CAMSAP3: variants seen among roughly 807,000 people sequenced by gnomAD.
CAMSAP3 encodes calmodulin-regulated spectrin-associated protein 3.
Under a neutral mutation model 112.5 loss-of-function variants are expected in CAMSAP3, and 34 were observed. The ratio of observed to expected loss-of-function variants is 0.30; its 90% CI spans 0.23 to 0.40. The LOEUF (loss-of-function observed/expected upper bound fraction) is 0.40, where lower values mean the gene tolerates loss of function less well. Among genes scored for constraint, CAMSAP3 ranks in the 10% least tolerant of loss-of-function variants. CAMSAP3 has a pLI of 1.00. For missense variants in CAMSAP3, 1,602 were observed against 1,770.3 expected (o/e 0.90, Z 1.71); for synonymous variants, 868 against 799.8 (o/e 1.09, Z -1.44).
chr19:7,596,622 C>T (rs1318760102), intron 1 of CAMSAP3, among the ~76,000 whole-genome samples: 1 of 152,104 alleles, frequency 6.6e-6, no homozygotes. Flanking sequence ...TGGGGGGTCT[C>T]GAGCGCTCCG....
Position 7,611,827 on chromosome 19 carries a change from C to A in CAMSAP3, c.1334C>A (p.Thr445Asn), listed in dbSNP as rs1161080850. The A allele has an allele frequency of 1.3e-6, 2 of 1,585,666 alleles. No homozygotes were observed. Among genetic ancestry groups the A allele is most frequent in the South Asian group, 1.1e-5 (1 of 87,504 alleles). Residue 445 changes from threonine (T) to asparagine (N), a missense_variant, in exon 11 of 17, where the codon ACC becomes AAC. Thr to Asn is a moderately conservative substitution (Grantham distance 65, BLOSUM62 0). Coordinates refer to ENST00000160298, the MANE Select transcript of CAMSAP3 (RefSeq NM_020902.2). This position sits in a 1 kb window ranked among gnomAD's most constrained non-coding sequence, Gnocchi z 6.9. ...CCCCCGCGTCCCGCGCCGGCCAGGA[C>A]CCCCACCCAGCCACCCCCGGAGCCT... is the stretch of plus-strand genomic sequence containing the variant. ...LGPPRPAPAR[T>N]PTQPPPEPGD...
chr19:7,606,336 G>T lies in CAMSAP3; in HGVS notation c.468G>T (p.Leu156=). ...AAFAFEWTKT[L]PGPLALTSLE... Reference sequence around the variant, plus strand: ...TTGCCTTCGAGTGGACAAAGACCCTGCCAGGTCCCTTGGCCCTGACCAGCT... The same window carrying T: ...TTGCCTTCGAGTGGACAAAGACCCTTCCAGGTCCCTTGGCCCTGACCAGCT... The change falls in exon 3 of 17, where the codon CTG becomes CTT. Residue 156 remains leucine, a synonymous_variant. Transcript: ENST00000160298. 1 of 1,613,906 alleles carries T rather than the reference G, an allele frequency of 6.2e-7. No homozygotes were observed. The highest frequency in any genetic ancestry group is 1.7e-5 in the Admixed American group (1 of 60,020).
chr19:7,613,103 C>G lies in CAMSAP3; in HGVS notation c.2610C>G (p.Ser870=). 4 of 1,545,450 alleles carry G rather than the reference C, an allele frequency of 2.6e-6. No homozygotes were observed. Among genetic ancestry groups the G allele is most frequent in the Non-Finnish European group, 3.5e-6 (4 of 1,145,850 alleles). ...GGAGCCCCGCTGGTGCTGAGGATTCCTTGGAGGAGGAGGCGTCTTCGGAGG... is the reference window on the plus strand; with the variant it reads ...GGAGCCCCGCTGGTGCTGAGGATTCGTTGGAGGAGGAGGCGTCTTCGGAGG... The part of the protein sequence containing the change: ...GDGSPAGAED[S]LEEEASSEGE... Residue 870 remains serine, a synonymous_variant, in exon 11 of 17, where the codon TCC becomes TCG. Coordinates refer to ENST00000160298, the MANE Select transcript of CAMSAP3 (RefSeq NM_020902.2).
chr19:7,605,467 G>A lies in CAMSAP3; in HGVS notation c.390G>A (p.Gln130=). 1 of 1,455,622 alleles carries A rather than the reference G, an allele frequency of 6.9e-7. No individual in the cohort carries two copies. Among genetic ancestry groups the A allele is most frequent in the Non-Finnish European group, 9.1e-7 (1 of 1,102,408 alleles). 90.2% of individuals were successfully genotyped at this position (1,455,622 alleles called of 1,614,324 possible). A position where few individuals can be genotyped will look rare whatever the true frequency, so the allele number is the denominator to read the frequency against. The change falls in exon 2 of 17, where the codon CAG becomes CAA. Residue 130 remains glutamine (Q), a synonymous_variant. Coordinates refer to ENST00000160298, the MANE Select transcript of CAMSAP3 (RefSeq NM_020902.2). ...RPVREADLRH[Q]PILMGAHLAV... ...TGCGCGAGGCCGACCTGAGGCACCA[G>A]CCCATTCTCATGGTAGGCCCCGCCA...
Position 7,617,215 on chromosome 19 carries a change from C to A in CAMSAP3, c.3213-111C>A, listed in dbSNP as rs915032225. ...TACAGGCATGAGCCACGATGCCCAG[C>A]CGTGGCCCTTATTTTCCTTGGCCCC... On this transcript the variant is annotated intron_variant, in intron 14 of 16. Coordinates refer to ENST00000160298, the MANE Select transcript of CAMSAP3 (RefSeq NM_020902.2). This position sits in a 1 kb window ranked among gnomAD's most constrained non-coding sequence, Gnocchi z 7.5. 6.4e-6 allele frequency: 5 copies of A among 781,412 alleles called. No individual in the cohort carries two copies. Among genetic ancestry groups the A allele is most frequent in the Non-Finnish European group, 9.0e-6 (4 of 443,126 alleles). The allele number at this position is 781,412 out of a possible 1,614,324, so 48.4% of individuals were successfully genotyped here.
Position 7,616,515 on chromosome 19 carries a change from G to A in CAMSAP3, c.3113-8G>A, listed in dbSNP as rs753797600. 1.0e-5 allele frequency: 16 copies of A among 1,607,884 alleles called. No individual in the cohort carries two copies. The East Asian group carries it at 3.6e-4, about 36-fold the overall frequency. On this transcript the variant is annotated splice_polypyrimidine_tract_variant and splice_region_variant and intron_variant, in intron 13 of 16. Transcript: ENST00000160298. ...TGGTGGGCACTGACCTGCAATCTCTGTCCCCAGGCTCTCGGCTGAGCAAAA... is the reference window on the plus strand; with the variant it reads ...TGGTGGGCACTGACCTGCAATCTCTATCCCCAGGCTCTCGGCTGAGCAAAA...
chr19:7,607,833 T>A lies in CAMSAP3; in HGVS notation c.622-293T>A. ...CCTCTCCCCCCAGCACGCAATTGCC[T>A]TCTGTTTGAAGGAGTCGGGGAGCAA... On this transcript the variant is annotated intron_variant, in intron 4 of 16. Coordinates refer to ENST00000160298, the MANE Select transcript of CAMSAP3 (RefSeq NM_020902.2). The surrounding 1 kb of genome is among the most constrained non-coding windows in gnomAD (Gnocchi z 4.9). 2 of 1,361,224 alleles carry A rather than the reference T, an allele frequency of 1.5e-6. No individual in the cohort carries two copies. Among genetic ancestry groups the A allele is most frequent in the Non-Finnish European group, 2.0e-6 (2 of 1,014,440 alleles). 84.3% of individuals were successfully genotyped at this position (1,361,224 alleles called of 1,614,324 possible). A position where few individuals can be genotyped will look rare whatever the true frequency, so the allele number is the denominator to read the frequency against.
At chr19:7,604,249 C>T (rs547228919) in intron 1 of CAMSAP3, among the ~76,000 whole-genome samples, 15 of 152,266 alleles carry the variant, frequency 9.9e-5, no homozygotes, top group African/African-American at 2.9e-4. Context: ...CTCCTCTCCA[C>T]TCTTGGTCCT....
chr19:7,612,569 C>T lies in CAMSAP3; in HGVS notation c.2076C>T (p.Pro692=). 1 of 1,534,852 alleles carries T rather than the reference C, an allele frequency of 6.5e-7. No individual in the cohort carries two copies. The highest frequency in any genetic ancestry group is 1.2e-5 in the South Asian group (1 of 83,962). The change falls in exon 11 of 17, where the codon CCC becomes CCT. Residue 692 remains proline, a synonymous_variant. Transcript: ENST00000160298. ...VTFSPDLGPV[P]HEGLGEYNRA... ...TCTCGCCAGACCTGGGCCCGGTGCC[C>T]CACGAGGGGCTGGGGGAATACAATC...
In CAMSAP3 at chr19:7,617,136, C is replaced by T. The variant is rs1568449879; in HGVS notation, c.3213-190C>T. Among the ~76,000 whole-genome samples, 1 of 151,792 alleles carries T rather than the reference C, an allele frequency of 6.6e-6. No individual in the cohort carries two copies. Among genetic ancestry groups the T allele is most frequent in the Non-Finnish European group, 1.5e-5 (1 of 67,948 alleles). On this transcript the variant is annotated intron_variant, in intron 14 of 16. Coordinates refer to ENST00000160298, the MANE Select transcript of CAMSAP3 (RefSeq NM_020902.2). The surrounding 1 kb of genome is among the most constrained non-coding windows in gnomAD (Gnocchi z 7.5). ...TTCACCATGTTGGCCAGGCTGGCCTCGAACTCCCGACCTCAAGTGATCTGC... is the reference window on the plus strand; with the variant it reads ...TTCACCATGTTGGCCAGGCTGGCCTTGAACTCCCGACCTCAAGTGATCTGC...
rs547197275 is a variant in CAMSAP3 at position 7,596,639 on chromosome 19, A to T, written c.148+489A>T. On this transcript the variant is annotated intron_variant, in intron 1 of 16. Transcript: ENST00000160298. Reference sequence around the variant, plus strand: ...GGGGGTCTCGAGCGCTCCGGTCTCCACCACCGCACGACCCCCAGGCCCCAA... The same window carrying T: ...GGGGGTCTCGAGCGCTCCGGTCTCCTCCACCGCACGACCCCCAGGCCCCAA... Among the ~76,000 whole-genome samples the T allele has an allele frequency of 9.0e-4, 137 of 151,854 alleles. 6 individuals carry two copies. The highest frequency in any genetic ancestry group is 1.3e-3 in the South Asian group (6 of 4,800).
In CAMSAP3 at chr19:7,612,743, G is replaced by T; in HGVS notation, c.2250G>T (p.Thr750=). 6.5e-7 allele frequency: 1 copy of T among 1,531,900 alleles called. No homozygotes were observed. The highest frequency in any genetic ancestry group is 2.5e-5 in the East Asian group (1 of 40,640). 94.9% of individuals were successfully genotyped at this position (1,531,900 alleles called of 1,614,324 possible). Reference sequence around the variant, plus strand: ...CGTGGGTCATCCCTGGCCCCACGACGGGGCCCAAAGCTGCATCCCCCAGCC... The same window carrying T: ...CGTGGGTCATCCCTGGCCCCACGACTGGGCCCAAAGCTGCATCCCCCAGCC... The part of the protein sequence containing the change: ...PAAWVIPGPT[T]GPKAASPSPA... The change falls in exon 11 of 17, where the codon ACG becomes ACT. Residue 750 remains threonine (T), a synonymous_variant. Coordinates refer to ENST00000160298, the MANE Select transcript of CAMSAP3 (RefSeq NM_020902.2).
intron 1 of CAMSAP3, among the ~76,000 whole-genome samples, chr19:7,600,883 TATCC>T (rs773405101): frequency 7.3e-4 from 63 of 86,404 alleles, no homozygotes; most frequent in Non-Finnish European, 1.3e-3. Context: ...TTCATCCATT[TATCC>T]ATCCATCCAT....
chr19:7,616,943 T>TG (rs1426596017), intron 14 of CAMSAP3, among the ~76,000 whole-genome samples: 2 of 127,498 alleles, frequency 1.6e-5, no homozygotes, highest in East Asian at 4.4e-4. Context: ...CCTTTTTTTT[T>TG]TTTTTTTTTT....
intron 5 of CAMSAP3, among the ~76,000 whole-genome samples, chr19:7,609,190 C>T (rs536161347): frequency 1.1e-4 from 17 of 151,592 alleles, no homozygotes; most frequent in Middle Eastern, 3.4e-3. Context: ...CGGTGGCGGG[C>T]GCCTGTAATC....
At chr19:7,603,360 G>A (rs1459705437) in intron 1 of CAMSAP3, among the ~76,000 whole-genome samples, 1 of 151,874 alleles carries the variant, frequency 6.6e-6, no homozygotes. Flanking sequence ...GATTATAGGC[G>A]TGTGCCACCA....
chr19:7,610,393 T>G lies in CAMSAP3; in HGVS notation c.761-83T>G, dbSNP rs1054438409. 187 of 1,293,786 alleles carry G rather than the reference T, an allele frequency of 1.4e-4. No individual in the cohort carries two copies. The highest frequency in any genetic ancestry group is 2.0e-4 in the Non-Finnish European group (182 of 930,710). 80.1% of individuals were successfully genotyped at this position (1,293,786 alleles called of 1,614,324 possible). On this transcript the variant is annotated intron_variant, in intron 5 of 16. Coordinates refer to ENST00000160298, the MANE Select transcript of CAMSAP3 (RefSeq NM_020902.2). The surrounding 1 kb of genome is among the most constrained non-coding windows in gnomAD (Gnocchi z 4.9). Reference sequence around the variant, plus strand: ...GGGCTCATAGGAGGTCTTCCGTGTGTGGGGGACTGCTGGTCCCTGGCTTCC... The same window carrying G: ...GGGCTCATAGGAGGTCTTCCGTGTGGGGGGGACTGCTGGTCCCTGGCTTCC...
Position 7,618,150 on chromosome 19 carries a change from C to A in CAMSAP3, c.*93C>A. 1 of 1,395,146 alleles carries A rather than the reference C, an allele frequency of 7.2e-7. No homozygotes were observed. The highest frequency in any genetic ancestry group is 9.7e-7 in the Non-Finnish European group (1 of 1,031,642). 86.4% of individuals were successfully genotyped at this position (1,395,146 alleles called of 1,614,324 possible). ...TCGGTATTCCTGGGTCCTGTCTGTC[C>A]CCAACCGTGTCTGGGTGGGGCTGGA... On this transcript the variant is annotated 3_prime_UTR_variant, in exon 17 of 17. Transcript: ENST00000160298.
At position 7,612,415 on chromosome 19, in the gene CAMSAP3, A is replaced by G; in HGVS notation, c.1922A>G (p.Gln641Arg). Residue 641 changes from glutamine to arginine, a missense_variant, in exon 11 of 17, where the codon CAG becomes CGG. Gln to Arg is a conservative substitution (Grantham distance 43). Coordinates refer to ENST00000160298, the MANE Select transcript of CAMSAP3 (RefSeq NM_020902.2). The part of the protein sequence containing the change: ...RLGKSAFLQV[Q>R]PREASGEAEA... ...GGCAAAAGCGCCTTCCTGCAGGTGC[A>G]GCCGCGGGAAGCCTCTGGGGAGGCG... 6.3e-7 allele frequency: 1 copy of G among 1,589,964 alleles called. No homozygotes were observed. Among genetic ancestry groups the G allele is most frequent in the South Asian group, 1.1e-5 (1 of 88,382 alleles).
Sources: allele counts gnomAD v4.1 joint callset (sites outside exome capture counted in the v4.1 genomes callset), GRCh38; gene constraint gnomAD v4.1.1; non-coding constraint Gnocchi (gnomAD v3.1); transcripts MANE v1.5; gene names NCBI Gene and HGNC (gene_info 2026-07-23, HGNC 2026-07-21).